Variants in CADPS2 observed in about 807,000 individuals in gnomAD.
CADPS2 encodes calcium-dependent secretion activator 2.
CADPS2 carries 93 observed loss-of-function variants against 172.5 expected under a neutral mutation model. The observed-to-expected ratio is 0.54, with a 90% CI of 0.46 to 0.64. The LOEUF is 0.64. Among genes scored for constraint, CADPS2 ranks in the 30% least tolerant of loss-of-function variants. CADPS2 has a pLI of 0.00. For missense variants in CADPS2, 1,420 were observed against 1,565.9 expected (o/e 0.91, Z 1.57); for synonymous variants, 546 against 555.2 (o/e 0.98, Z 0.23).
intron 1 of CADPS2, among the ~76,000 whole-genome samples, chr7:122,866,594 G>A (rs1364966806): frequency 2.0e-5 from 3 of 152,162 alleles, no homozygotes; most frequent in Non-Finnish European, 2.9e-5. Flanking sequence ...CCAGCTACTC[G>A]AGATGCTGAA....
intron 2 of CADPS2, among the ~76,000 whole-genome samples, chr7:122,679,037 C>T (rs537470963): frequency 3.9e-5 from 6 of 152,114 alleles, no homozygotes; most frequent in South Asian, 4.2e-4. Context: ...ACAAATTGTT[C>T]GTAAAGCATG....
intron 2 of CADPS2, among the ~76,000 whole-genome samples, chr7:122,719,467 G>T (rs754087788): frequency 1.3e-5 from 2 of 152,140 alleles, no homozygotes; most frequent in Non-Finnish European, 2.9e-5. Flanking sequence ...CATGTGCAAT[G>T]ACGCCAATTT....
intron 27 of CADPS2, among the ~76,000 whole-genome samples, chr7:122,348,437 G>A (rs577403850): frequency 6.6e-6 from 1 of 152,228 alleles, no homozygotes; most frequent in African/African-American, 2.4e-5. Flanking sequence ...TTTCTAAGTT[G>A]AGACAGTTCC....
At chr7:122,777,851 T>A (rs753207311) in intron 1 of CADPS2, among the ~76,000 whole-genome samples, 2 of 152,128 alleles carry the variant, frequency 1.3e-5, no homozygotes, top group Non-Finnish European at 2.9e-5. Context: ...CTCACGTATG[T>A]CTTTATTAGC....
chr7:122,617,663 T>C (rs997619469), intron 5 of CADPS2, among the ~76,000 whole-genome samples: 7 of 152,198 alleles, frequency 4.6e-5, no homozygotes, highest in African/African-American at 1.7e-4. Flanking sequence ...CTGGGCAATA[T>C]GGTGAAATTG....
intron 8 of CADPS2, among the ~76,000 whole-genome samples, chr7:122,527,452 C>G (rs1257162622): frequency 6.6e-6 from 1 of 150,444 alleles, no homozygotes; most frequent in Non-Finnish European, 1.5e-5. Context: ...CTGATATTGA[C>G]AGTTGGAATC....
At chr7:122,421,611 CAAT>C (rs1457190070) in intron 17 of CADPS2, among the ~76,000 whole-genome samples, 1 of 152,134 alleles carries the variant, frequency 6.6e-6, no homozygotes, top group Non-Finnish European at 1.5e-5. Flanking sequence ...TGAGGGGATA[CAAT>C]GATTAAAAAG....
At position 122,702,589 on chromosome 7, in the gene CADPS2, C is replaced by T. The variant is rs192276120; in HGVS notation, c.453+34366G>A. ...CGAACACTCCACTCTCTCCTAATTC[C>T]GATGTGATCTCATTTCCAACCTGAA... On this transcript the variant is annotated intron_variant, in intron 2 of 29. Coordinates refer to ENST00000449022, the MANE Select transcript of CADPS2 (RefSeq NM_017954.11). 3.3e-3 allele frequency: 5,377 copies of T among 1,613,608 alleles called. 14 individuals are homozygous for T. The highest frequency in any genetic ancestry group is 3.5e-3 in the Non-Finnish European group (4,136 of 1,179,718).
chr7:122,819,752 A>G (rs757041213), intron 1 of CADPS2, among the ~76,000 whole-genome samples: 12 of 151,878 alleles, frequency 7.9e-5, no homozygotes, highest in Non-Finnish European at 1.3e-4. Context: ...TCTCATCGCC[A>G]CCCTTCTTCC....
At chr7:122,536,359 A>G (rs2062272395) in intron 8 of CADPS2, among the ~76,000 whole-genome samples, 1 of 152,078 alleles carries the variant, frequency 6.6e-6, no homozygotes, top group Non-Finnish European at 1.5e-5. Context: ...AAGAGAGCTA[A>G]GAAAGATACC....
rs193098247 is a variant in CADPS2 at position 122,389,498 on chromosome 7, C to T, written c.3009-760G>A. On this transcript the variant is annotated intron_variant, in intron 22 of 29. Coordinates refer to ENST00000449022, the MANE Select transcript of CADPS2 (RefSeq NM_017954.11). The stretch of plus-strand genomic sequence containing the variant: ...GCTATCACCCCATGTATGAAGATAA[C>T]TTATAGAAGAGTTACAGTAACTTAT... Among the ~76,000 whole-genome samples, 51 of 151,748 alleles carry T rather than the reference C, an allele frequency of 3.4e-4. No homozygotes were observed. The East Asian group carries it at 9.1e-3, about 27-fold the overall frequency.
At chr7:122,702,431 C>G (rs368845403) in intron 2 of CADPS2, 6 of 1,613,768 alleles carry the variant, frequency 3.7e-6, no homozygotes, top group Non-Finnish European at 5.1e-6. Context: ...ACAGCCTCCA[C>G]GTTCGATGAG....
intron 1 of CADPS2, chr7:122,850,296 G>C (rs1813199653): frequency 1.7e-6 from 1 of 590,410 alleles, no homozygotes; most frequent in Non-Finnish European, 2.7e-6. Context: ...CTCCTTTCAG[G>C]GGATGAAGAC....
chr7:122,578,156 T>C (rs2068294398), intron 7 of CADPS2, among the ~76,000 whole-genome samples: 1 of 151,580 alleles, frequency 6.6e-6, no homozygotes, highest in Non-Finnish European at 1.5e-5. Context: ...AATATGTGTA[T>C]ATATACACAC....
intron 1 of CADPS2, among the ~76,000 whole-genome samples, chr7:122,791,900 A>C (rs933555493): frequency 2.0e-5 from 3 of 152,222 alleles, no homozygotes; most frequent in East Asian, 3.8e-4. Flanking sequence ...ATTTTGAAAA[A>C]TCATCAATGG....
intron 24 of CADPS2, chr7:122,386,434 T>C (rs947308473): frequency 1.4e-4 from 77 of 531,942 alleles, no homozygotes; most frequent in African/African-American, 4.0e-5. Flanking sequence ...AAACAGATAA[T>C]TGAAGAAAAA....
chr7:122,630,891 T>C (rs1370626395), intron 3 of CADPS2, among the ~76,000 whole-genome samples: 3 of 152,088 alleles, frequency 2.0e-5, no homozygotes, highest in Non-Finnish European at 2.9e-5. Flanking sequence ...TTAAAGTAAA[T>C]CCTTGTTATA....
chr7:122,493,277 T>C (rs775792861), intron 9 of CADPS2, among the ~76,000 whole-genome samples: 3 of 152,114 alleles, frequency 2.0e-5, no homozygotes. Context: ...TCTCTGTACC[T>C]GAGGCCAAAA....
At chr7:122,338,122 T>C (rs1167719857) in intron 28 of CADPS2, among the ~76,000 whole-genome samples, 2 of 152,126 alleles carry the variant, frequency 1.3e-5, no homozygotes, top group Non-Finnish European at 2.9e-5. Flanking sequence ...CTCAGCTGGG[T>C]ATGGTGGCTC....
Sources: gnomAD v4.1 joint callset for allele counts (sites outside exome capture counted in the v4.1 genomes callset) on GRCh38, gnomAD v4.1.1 for gene constraint, MANE v1.5 for transcripts, NCBI Gene and HGNC (gene_info 2026-07-23, HGNC 2026-07-21) for gene names.